POLN: variants seen among roughly 807,000 people sequenced by gnomAD.
POLN encodes DNA polymerase N.
A neutral mutation model predicts 113.5 loss-of-function variants in POLN; 108 were observed. The observed-to-expected ratio is 0.95, with a 90% CI of 0.81 to 1.12. POLN has a LOEUF of 1.12. Ranked by LOEUF, POLN falls within the 50% of genes most tolerant of loss-of-function variation. The pLI, the probability that POLN is intolerant of heterozygous loss-of-function variation, is 0.00. For synonymous variants in POLN, 386 were observed against 391.5 expected, an observed-to-expected ratio of 0.99 and a Z score of 0.17; for missense variants, 1,097 against 1,077.1, an observed-to-expected ratio of 1.02 and a Z score of -0.26.
At chr4:2,108,504 G>A (rs1159350074) in intron 19 of POLN, among the ~76,000 whole-genome samples, 1 of 152,194 alleles carries the variant, frequency 6.6e-6, no homozygotes, top group Admixed American at 6.5e-5. Context: ...ATGCTCCTGG[G>A]TACAGAAAGG....
intron 20 of POLN, among the ~76,000 whole-genome samples, chr4:2,087,250 G>A (rs1730571119): frequency 6.6e-6 from 1 of 152,198 alleles, no homozygotes; most frequent in African/African-American, 2.4e-5. Flanking sequence ...ATCTATTATT[G>A]TGATATATTC....
intron 25 of POLN, 103 bp downstream of exon 25, chr4:2,072,865 G>A: frequency 7.9e-7 from 1 of 1,272,398 alleles, no homozygotes; most frequent in East Asian, 2.3e-5. Flanking sequence ...GGCCATCTCG[G>A]GGCTGGGGCT....
chr4:2,090,034 G>A (rs1730629965), intron 20 of POLN: 1 of 883,606 alleles, frequency 1.1e-6, no homozygotes, highest in East Asian at 2.6e-5. Flanking sequence ...ACAGTGACTT[G>A]GAACTGAAGA....
chr4:2,212,800 C>G (rs1344655803), intron 4 of POLN, among the ~76,000 whole-genome samples: 1 of 152,126 alleles, frequency 6.6e-6, no homozygotes. Flanking sequence ...AATGAAATAG[C>G]ACAAAAACTG....
rs374922217 is a variant in POLN at position 2,127,253 on chromosome 4, C to T, written c.1982+860G>A. On this transcript the variant is annotated intron_variant, in intron 19 of 25. Transcript: ENST00000511885. The surrounding 1 kb of genome is among the most constrained non-coding windows in gnomAD (Gnocchi z 4.7). ...GGGAGGGGACAGTGACTCAGACACA[C>T]GGACCTTCCAACAGCCAGCACACAC... 5.3e-5 allele frequency among the ~76,000 whole-genome samples: 8 copies of T among 152,086 alleles called. No individual in the cohort carries two copies. Among genetic ancestry groups the T allele is most frequent in the East Asian group, 1.9e-4 (1 of 5,160 alleles).
chr4:2,200,175 G>A (rs1310157560), intron 5 of POLN, among the ~76,000 whole-genome samples: 1 of 152,044 alleles, frequency 6.6e-6, no homozygotes, highest in Admixed American at 6.5e-5. Flanking sequence ...TTGACAAACT[G>A]ATCCTAAAAC....
intron 23 of POLN, chr4:2,080,211 A>G: frequency 1.0e-6 from 1 of 987,674 alleles, no homozygotes; most frequent in Non-Finnish European, 1.2e-6. Flanking sequence ...CACCACTTGC[A>G]GCACCCCCAG....
rs751412451 is a variant in POLN at position 2,193,301 on chromosome 4, T to G, written c.924A>C (p.Gln308His). Residue 308 changes from glutamine (Q) to histidine (H), a missense_variant, in exon 7 of 26, where the codon CAA becomes CAC. Coordinates refer to ENST00000511885, the MANE Select transcript of POLN (RefSeq NM_181808.4). The part of the protein sequence containing the change: ...HQQFARNVLF[Q>H]TMKCKCPVIC... ...TAACAGGACATTTACATTTCATTGT[T>G]TGAAATAGCACGTTCCTAGAAGATG... is the stretch of plus-strand genomic sequence containing the variant. 3.1e-6 allele frequency: 5 copies of G among 1,599,498 alleles called. No homozygotes were observed. The highest frequency in any genetic ancestry group is 1.1e-5 in the South Asian group (1 of 89,252).
chr4:2,158,303 C>T (rs1008496032), intron 14 of POLN, among the ~76,000 whole-genome samples: 6 of 152,100 alleles, frequency 3.9e-5, no homozygotes, highest in African/African-American at 9.7e-5. Flanking sequence ...GTGCCGGGCA[C>T]GTGCTGCTAC....
intron 2 of POLN, chr4:2,230,581 A>T (rs1734544737): frequency 1.3e-5 from 2 of 152,076 alleles, no homozygotes; most frequent in African/African-American, 4.8e-5. Context: ...TAAACACAAT[A>T]ATTGGCAAAA....
At position 2,126,761 on chromosome 4, in the gene POLN, T is replaced by C. The variant is rs1731592039; in HGVS notation, c.1982+1352A>G. Among the ~76,000 whole-genome samples the C allele has an allele frequency of 6.6e-6, 1 of 151,882 alleles. No individual in the cohort carries two copies. The highest frequency in any genetic ancestry group is 1.5e-5 in the Non-Finnish European group (1 of 67,940). ...ACACACGGACATTCGGGGAAAGAGC[T>C]TCCTGAGCCCCAGGACAGGAAAGGC... On this transcript the variant is annotated intron_variant, in intron 19 of 25. Transcript: ENST00000511885. This position sits in a 1 kb window ranked among gnomAD's most constrained non-coding sequence, Gnocchi z 4.6.
intron 6 of POLN, among the ~76,000 whole-genome samples, chr4:2,195,077 C>T (rs1243506648): frequency 6.6e-6 from 1 of 152,066 alleles, no homozygotes; most frequent in South Asian, 2.1e-4. Flanking sequence ...AGGCCTTGCA[C>T]AGGTCATTTA....
intron 24 of POLN, among the ~76,000 whole-genome samples, chr4:2,074,575 G>A (rs1222555382): frequency 6.6e-6 from 1 of 152,234 alleles, no homozygotes; most frequent in Non-Finnish European, 1.5e-5. Context: ...GCAGAGCCCT[G>A]CTTTAGGATG....
At chr4:2,182,356 A>G (rs6845136) in intron 7 of POLN, among the ~76,000 whole-genome samples, 24,558 of 152,148 alleles carry the variant, frequency 0.16, 3,260 homozygotes, top group East Asian at 0.35. Context: ...AGAGACAGAA[A>G]AGAAGGTGAC....
chr4:2,163,492 G>GT (rs1732652290), intron 13 of POLN, among the ~76,000 whole-genome samples: 1 of 152,254 alleles, frequency 6.6e-6, no homozygotes, highest in African/African-American at 2.4e-5. Context: ...CCATGGCTCC[G>GT]CGGGCTCACC....
At chr4:2,204,748 A>G (rs1380901511) in intron 5 of POLN, among the ~76,000 whole-genome samples, 2 of 152,238 alleles carry the variant, frequency 1.3e-5, no homozygotes, top group Non-Finnish European at 2.9e-5. Flanking sequence ...CACCATGATC[A>G]AGTGGGTTTC....
rs72052264 is a variant in POLN at position 2,115,228 on chromosome 4, A to ATATATT, written c.1982+12884_1982+12885insAATATA. On this transcript the variant is annotated intron_variant, in intron 19 of 25. Transcript: ENST00000511885. ...CACAGCTATATATATATATATATAT[A>ATATATT]TTTTTTTTTTTGTAGTTTTAGTAGA... Among the ~76,000 whole-genome samples, 23 of 129,990 alleles carry ATATATT rather than the reference A, an allele frequency of 1.8e-4. No individual in the cohort carries two copies. In the South Asian group the frequency reaches 1.8e-3, roughly 10 times the overall value. The allele number at this position is 129,990 out of a possible 152,430, so 85.3% of individuals were successfully genotyped here. A position where few individuals can be genotyped will look rare whatever the true frequency, so the allele number is the denominator to read the frequency against.
intron 16 of POLN, among the ~76,000 whole-genome samples, chr4:2,154,316 GTTAA>G (rs910867818): frequency 1.3e-5 from 2 of 151,274 alleles, no homozygotes; most frequent in Admixed American, 6.6e-5. Flanking sequence ...TTCATAAAGG[GTTAA>G]TTTTTATTAT....
At chr4:2,110,068 A>C (rs902285245) in intron 19 of POLN, among the ~76,000 whole-genome samples, 1 of 152,222 alleles carries the variant, frequency 6.6e-6, no homozygotes, top group African/African-American at 2.4e-5. Flanking sequence ...TCAAACTAGA[A>C]CTCAGGATTA....
Sources: gnomAD v4.1 joint callset for allele counts (sites outside exome capture counted in the v4.1 genomes callset) on GRCh38, gnomAD v4.1.1 for gene constraint, Gnocchi (gnomAD v3.1) non-coding constraint, MANE v1.5 for transcripts, NCBI Gene and HGNC (gene_info 2026-07-23, HGNC 2026-07-21) for gene names.